The following ANO3 variants were observed in gnomAD, a reference collection of about 807,000 sequenced individuals.
The protein encoded by ANO3 is anoctamin-3.
ANO3 carries 99 observed loss-of-function variants against 144.8 expected under a neutral mutation model. That is an observed-to-expected ratio of 0.68 (90% confidence interval 0.58 to 0.81). ANO3 has a LOEUF of 0.81. ANO3 is among the 30% of genes least tolerant of loss of function. The pLI is 0.00. For missense variants in ANO3, 905 were observed against 1,202.2 expected (o/e 0.75, Z 3.66); for synonymous variants, 414 against 392.6 (o/e 1.05, Z -0.64).
intron 3 of ANO3, among the ~76,000 whole-genome samples, chr11:26,459,694 A>G (rs1279958895): frequency 6.6e-6 from 1 of 152,012 alleles, no homozygotes; most frequent in Non-Finnish European, 1.5e-5. Context: ...ATAAGTAAAA[A>G]CACATTACAT....
Position 26,564,720 on chromosome 11 carries a change from CACACACACACACATATATATAT to C in ANO3, c.1447+4943_1447+4964del, listed in dbSNP as rs1196073307. Among the ~76,000 whole-genome samples the C allele has an allele frequency of 9.1e-3, 683 of 75,070 alleles. 2 individuals carry two copies. The highest frequency in any genetic ancestry group is 0.015 in the Non-Finnish European group (563 of 37,646). The allele number at this position is 75,070 out of a possible 152,430, so 49.2% of individuals were successfully genotyped here. ...ACACACACACACACACACACACACA[CACACACACACACATATATATAT>C]ATATATATATATATATATATATATA... On this transcript the variant is annotated intron_variant, in intron 14 of 26. Transcript: ENST00000256737.
chr11:26,199,948 A>G (rs1851660415), intron 1 of ANO3, among the ~76,000 whole-genome samples: 1 of 152,180 alleles, frequency 6.6e-6, no homozygotes, highest in Admixed American at 6.5e-5. Flanking sequence ...ACAGTATGTT[A>G]TAGATTTAGA....
At chr11:26,240,920 C>T (rs1048203595) in intron 1 of ANO3, among the ~76,000 whole-genome samples, 3 of 152,124 alleles carry the variant, frequency 2.0e-5, no homozygotes, top group Admixed American at 1.3e-4. Flanking sequence ...AACATTTCTG[C>T]TTCATCCTTG....
At chr11:26,358,302 G>C (rs555970009) in intron 1 of ANO3, among the ~76,000 whole-genome samples, 8 of 151,212 alleles carry the variant, frequency 5.3e-5, no homozygotes, top group African/African-American at 1.9e-4. Flanking sequence ...GTCCTGAGTA[G>C]CTGGGACTAA....
At chr11:26,237,256 C>CTTTT (rs1055304321) in intron 1 of ANO3, among the ~76,000 whole-genome samples, 2 of 152,098 alleles carry the variant, frequency 1.3e-5, no homozygotes, top group African/African-American at 4.8e-5. Context: ...CCTACAAAAT[C>CTTTT]TTTTGTAACC....
At position 26,639,378 on chromosome 11, in the gene ANO3, A is replaced by G. The variant is rs2091334259; in HGVS notation, c.2141+137A>G. The G allele has an allele frequency of 4.8e-6, 3 of 629,522 alleles. No individual in the cohort carries two copies. The South Asian group carries it at 5.7e-5, about 12-fold the overall frequency. The allele number at this position is 629,522 out of a possible 1,614,324, so 39.0% of individuals were successfully genotyped here. A position where few individuals can be genotyped will look rare whatever the true frequency, so the allele number is the denominator to read the frequency against. On this transcript the variant is annotated intron_variant, in intron 21 of 26. Coordinates refer to ENST00000256737, the MANE Select transcript of ANO3 (RefSeq NM_031418.4). Reference sequence around the variant, plus strand: ...CAATTCCTGTTCTGCTCCTTACTAAATGTCTGCCCATGTGTAAATTAAACC... The same window carrying G: ...CAATTCCTGTTCTGCTCCTTACTAAGTGTCTGCCCATGTGTAAATTAAACC...
At chr11:26,459,582 GA>G (rs1484284786) in intron 3 of ANO3, among the ~76,000 whole-genome samples, 1 of 151,468 alleles carries the variant, frequency 6.6e-6, no homozygotes, top group East Asian at 1.9e-4. Context: ...ACAAAAGTGG[GA>G]AAAAATGTAC....
chr11:26,377,436 ACT>A (rs1272493923), intron 1 of ANO3, among the ~76,000 whole-genome samples: 3 of 152,136 alleles, frequency 2.0e-5, no homozygotes, highest in African/African-American at 7.2e-5. Flanking sequence ...TAAAAAGTTC[ACT>A]GTTAAACCAG....
chr11:26,514,774 C>G (rs919110578), intron 5 of ANO3, among the ~76,000 whole-genome samples: 1 of 152,032 alleles, frequency 6.6e-6, no homozygotes, highest in Non-Finnish European at 1.5e-5. Context: ...AAACTTAACA[C>G]GTCTTTCACT....
chr11:26,557,943 T>C (rs552148101), intron 13 of ANO3, among the ~76,000 whole-genome samples: 1 of 152,298 alleles, frequency 6.6e-6, no homozygotes, highest in East Asian at 1.9e-4. Context: ...GATTAAACAC[T>C]GTCGTACTCT....
intron 1 of ANO3, among the ~76,000 whole-genome samples, chr11:26,252,359 C>G (rs559785811): frequency 2.7e-4 from 41 of 152,122 alleles, no homozygotes; most frequent in African/African-American, 9.6e-4. Flanking sequence ...TCTTTTTGCT[C>G]TCCAGGCAGT....
chr11:26,236,817 C>CAAAAAAA (rs55979503), intron 1 of ANO3, among the ~76,000 whole-genome samples: 2 of 86,754 alleles, frequency 2.3e-5, no homozygotes, highest in Non-Finnish European at 2.2e-5. Context: ...GACTCCGTCT[C>CAAAAAAA]AAAAAAAAAA....
intron 1 of ANO3, chr11:26,285,723 A>G (rs573622870): frequency 1.3e-5 from 2 of 152,316 alleles, no homozygotes; most frequent in Non-Finnish European, 2.9e-5. Flanking sequence ...CATTCCAATT[A>G]TATTCGAAGT....
chr11:26,326,121 T>A (rs1269710097), intron 1 of ANO3, among the ~76,000 whole-genome samples: 1 of 152,186 alleles, frequency 6.6e-6, no homozygotes, highest in East Asian at 1.9e-4. Flanking sequence ...CCATTTCCTA[T>A]CAAGTAATTT....
intron 26 of ANO3, 130 bp downstream of exon 26, chr11:26,656,611 A>C: frequency 1.6e-6 from 1 of 641,380 alleles, no homozygotes; most frequent in Non-Finnish European, 2.8e-6. Flanking sequence ...AAAGGCTTTA[A>C]TACAATGAAA....
rs755908843 is a variant in ANO3 at position 26,643,380 on chromosome 11, GGT to G, written c.2428+47_2428+48del. 5.0e-6 allele frequency: 8 copies of G among 1,604,010 alleles called. No individual in the cohort carries two copies. The African/African-American group carries it at 9.4e-5, about 19-fold the overall frequency. On this transcript the variant is annotated intron_variant, in intron 23 of 26. Coordinates refer to ENST00000256737, the MANE Select transcript of ANO3 (RefSeq NM_031418.4). ...GATTTTTACGTTGCTAACACCAATA[GGT>G]TGCTATGGTTTGAGTGTGCCCCCAG...
At chr11:26,535,372 C>A (rs1216345857) in intron 9 of ANO3, among the ~76,000 whole-genome samples, 1 of 151,990 alleles carries the variant, frequency 6.6e-6, no homozygotes, top group African/African-American at 2.4e-5. Flanking sequence ...TAGAGCTGAG[C>A]AGAAAGCAAT....
rs531692283 is a variant in ANO3 at position 26,208,743 on chromosome 11, AAAAAG to A, written c.154+19418_154+19422del. 1.5e-3 allele frequency among the ~76,000 whole-genome samples: 233 copies of A among 152,326 alleles called. 1 individual carries two copies. Among genetic ancestry groups the A allele is most frequent in the African/African-American group, 5.3e-3 (222 of 41,582 alleles). On this transcript the variant is annotated intron_variant, in intron 1 of 27. Transcript: ENST00000672621. ...AAATATTTTTAGCCCTCATTGACAG[AAAAAG>A]AAAATAAAAAACCTAGACTGCTCAA...
At chr11:26,376,020 A>G (rs1405830775) in intron 1 of ANO3, among the ~76,000 whole-genome samples, 1 of 152,208 alleles carries the variant, frequency 6.6e-6, no homozygotes, top group East Asian at 1.9e-4. Flanking sequence ...AAAGAATAGC[A>G]TGATGTTAAA....
Sources: gnomAD v4.1 joint callset for allele counts (sites outside exome capture counted in the v4.1 genomes callset) on GRCh38, gnomAD v4.1.1 for gene constraint, MANE v1.5 for transcripts, NCBI Gene and HGNC (gene_info 2026-07-23, HGNC 2026-07-21) for gene names.